CACNA2D3: variants seen among roughly 807,000 people sequenced by gnomAD.
The protein encoded by CACNA2D3 is voltage-dependent calcium channel subunit alpha-2/delta-3.
CACNA2D3 carries 60 observed loss-of-function variants against 160.6 expected under a neutral mutation model. That is an observed-to-expected ratio of 0.37 (90% CI 0.30 to 0.46). The LOEUF is 0.46. Ranked by LOEUF, CACNA2D3 falls within the 20% of genes least tolerant of loss-of-function variation. The probability of loss-of-function intolerance (pLI) is 1.00; values close to 1 mark genes in which losing one functional copy is unlikely to be tolerated. For synonymous variants in CACNA2D3, 558 were observed against 492.9 expected, an observed-to-expected ratio of 1.13 and a Z score of -1.75; for missense variants, 1,205 against 1,365.0, an observed-to-expected ratio of 0.88 and a Z score of 1.85.
chr3:54,338,958 G>C (rs528323012), intron 3 of CACNA2D3, among the ~76,000 whole-genome samples: 1 of 152,280 alleles, frequency 6.6e-6, no homozygotes, highest in South Asian at 2.1e-4. Flanking sequence ...CCAGTAGCCA[G>C]GTTATTTTCT....
chr3:55,034,942 A>C (rs1392099313), intron 35 of CACNA2D3, among the ~76,000 whole-genome samples: 3 of 152,164 alleles, frequency 2.0e-5, no homozygotes, highest in Admixed American at 6.5e-5. Context: ...AAATCTCAGT[A>C]AGAGTTACAA....
At position 54,570,724 on chromosome 3, in the gene CACNA2D3, A is replaced by G. The variant is rs141942708; in HGVS notation, c.888+620A>G. Among the ~76,000 whole-genome samples the G allele has an allele frequency of 3.4e-4, 52 of 152,182 alleles. No homozygotes were observed. In the East Asian group the frequency reaches 6.8e-3, roughly 20 times the overall value. On this transcript the variant is annotated intron_variant, in intron 8 of 37. Transcript: ENST00000474759. ...GGCATATTCTCAAATGAAGGTGCTG[A>G]GATTGGAAGAGTGTCAGTAACTTGT...
chr3:54,374,676 A>G (rs1163996855), intron 3 of CACNA2D3, among the ~76,000 whole-genome samples: 1 of 152,176 alleles, frequency 6.6e-6, no homozygotes, highest in African/African-American at 2.4e-5. Context: ...GGTAGTGAGT[A>G]AGGGCACCAA....
intron 3 of CACNA2D3, among the ~76,000 whole-genome samples, chr3:54,363,417 A>C (rs1297006434): frequency 6.6e-6 from 1 of 152,092 alleles, no homozygotes; most frequent in East Asian, 1.9e-4. Flanking sequence ...CTCTAGAGTG[A>C]GTATAGGATC....
At chr3:54,739,203 T>C (rs1701591044) in intron 11 of CACNA2D3, among the ~76,000 whole-genome samples, 2 of 151,908 alleles carry the variant, frequency 1.3e-5, no homozygotes, top group South Asian at 2.1e-4. Context: ...GTGGATCACC[T>C]GAGGTCAGGA....
At chr3:54,716,565 T>C (rs1243005814) in intron 11 of CACNA2D3, among the ~76,000 whole-genome samples, 1 of 152,210 alleles carries the variant, frequency 6.6e-6, no homozygotes, top group Non-Finnish European at 1.5e-5. Flanking sequence ...CTGTCAAATA[T>C]ACATTCATCT....
At chr3:54,937,145 G>A (rs548706849) in intron 27 of CACNA2D3, among the ~76,000 whole-genome samples, 29 of 152,260 alleles carry the variant, frequency 1.9e-4, no homozygotes, top group East Asian at 7.7e-4. Context: ...TTAAAAATAA[G>A]GTGTGCTCAA....
chr3:54,726,823 G>C (rs773386367), intron 11 of CACNA2D3, among the ~76,000 whole-genome samples: 3 of 152,174 alleles, frequency 2.0e-5, no homozygotes, highest in African/African-American at 4.8e-5. Flanking sequence ...GTAAGGAAAC[G>C]TGGGTAATAC....
At chr3:54,913,774 A>G (rs1324715655) in intron 27 of CACNA2D3, among the ~76,000 whole-genome samples, 2 of 152,146 alleles carry the variant, frequency 1.3e-5, no homozygotes, top group East Asian at 3.9e-4. Context: ...GGCCTTGGGA[A>G]GAGTTGCATC....
intron 11 of CACNA2D3, among the ~76,000 whole-genome samples, chr3:54,654,653 G>A (rs1186838562): frequency 1.3e-5 from 2 of 152,112 alleles, no homozygotes; most frequent in Admixed American, 6.5e-5. Context: ...GCATGCCGGC[G>A]GGCAAGTGCT....
intron 2 of CACNA2D3, among the ~76,000 whole-genome samples, chr3:54,131,702 T>C (rs1019105007): frequency 6.6e-6 from 1 of 152,230 alleles, no homozygotes; most frequent in Non-Finnish European, 1.5e-5. Flanking sequence ...TATGCACATT[T>C]AGTGTGGCAG....
chr3:54,502,411 A>G (rs969413777), intron 4 of CACNA2D3, among the ~76,000 whole-genome samples: 1 of 152,212 alleles, frequency 6.6e-6, no homozygotes, highest in African/African-American at 2.4e-5. Flanking sequence ...TCTACTAATG[A>G]ACCAGCAAAG....
At chr3:54,534,234 T>A (rs1332790258) in intron 5 of CACNA2D3, among the ~76,000 whole-genome samples, 1 of 152,232 alleles carries the variant, frequency 6.6e-6, no homozygotes, top group Non-Finnish European at 1.5e-5. Context: ...GGTAATCTTT[T>A]TTGGTGGCAG....
chr3:54,428,776 A>G (rs1699945821), intron 4 of CACNA2D3, among the ~76,000 whole-genome samples: 1 of 152,220 alleles, frequency 6.6e-6, no homozygotes, highest in Admixed American at 6.5e-5. Context: ...ATTTTTGTGA[A>G]ACTCCTCAGA....
chr3:54,223,651 C>T (rs188661602), intron 2 of CACNA2D3, among the ~76,000 whole-genome samples: 29 of 152,038 alleles, frequency 1.9e-4, no homozygotes, highest in African/African-American at 6.5e-4. Context: ...GTCAGGAGTT[C>T]GAGACCAGCC....
intron 2 of CACNA2D3, among the ~76,000 whole-genome samples, chr3:54,309,270 C>A (rs1459764047): frequency 6.6e-6 from 1 of 152,178 alleles, no homozygotes; most frequent in East Asian, 1.9e-4. Context: ...ATGGTTGTAT[C>A]AATAGCTGGT....
intron 27 of CACNA2D3, among the ~76,000 whole-genome samples, chr3:54,937,759 G>A (rs1360161106): frequency 6.6e-6 from 1 of 151,960 alleles, no homozygotes; most frequent in Non-Finnish European, 1.5e-5. Context: ...TAAAGGCATG[G>A]CATGTGTTAC....
At chr3:54,140,403 T>C (rs1158371635) in intron 2 of CACNA2D3, among the ~76,000 whole-genome samples, 1 of 152,238 alleles carries the variant, frequency 6.6e-6, no homozygotes, top group African/African-American at 2.4e-5. Flanking sequence ...TGAAGACCAC[T>C]GCTCTCCCTG....
rs914258625 is a variant in CACNA2D3 at position 54,843,218 on chromosome 3, C to G, written c.1552-3175C>G. 1.1e-4 allele frequency among the ~76,000 whole-genome samples: 17 copies of G among 152,262 alleles called. 1 individual carries two copies. The East Asian group carries it at 3.1e-3, about 28-fold the overall frequency. On this transcript the variant is annotated intron_variant, in intron 16 of 37. Coordinates refer to ENST00000474759, the MANE Select transcript of CACNA2D3 (RefSeq NM_018398.3). ...CTCAGGTGATCCACCTGCCTAGCCT[C>G]TCAAACTGTTAGGATTACAGGCATG...
Sources: gnomAD v4.1 joint callset for allele counts (sites outside exome capture counted in the v4.1 genomes callset) on GRCh38, gnomAD v4.1.1 for gene constraint, MANE v1.5 for transcripts, NCBI Gene and HGNC (gene_info 2026-07-23, HGNC 2026-07-21) for gene names.